Variants in MAN2A1 observed in about 807,000 individuals in gnomAD.
The protein encoded by MAN2A1 is mannosidase alpha class 2A member 1.
A neutral mutation model predicts 142.6 loss-of-function variants in MAN2A1; 76 were observed. That is an observed-to-expected ratio of 0.53 (90% CI 0.44 to 0.65). MAN2A1 has a LOEUF of 0.65. MAN2A1 is among the 30% of genes least tolerant of loss of function. The pLI is 0.00. For missense variants in MAN2A1, 1,311 were observed against 1,365.1 expected, an observed-to-expected ratio of 0.96 and a Z score of 0.62; for synonymous variants, 559 against 473.2, an observed-to-expected ratio of 1.18 and a Z score of -2.35.
At chr5:109,785,379 C>T (rs1425116666) in intron 10 of MAN2A1, among the ~76,000 whole-genome samples, 1 of 149,396 alleles carries the variant, frequency 6.7e-6, no homozygotes, top group Non-Finnish European at 1.5e-5. Flanking sequence ...GGCATATTGA[C>T]ATAATAAGCT....
chr5:109,699,518 A>T (rs1219810141), intron 1 of MAN2A1: 1 of 152,248 alleles, frequency 6.6e-6, no homozygotes, highest in Admixed American at 6.5e-5. Flanking sequence ...GCATATGTTA[A>T]TTAGCTTGAT....
At chr5:109,701,712 G>A (rs1279348551) in intron 1 of MAN2A1, among the ~76,000 whole-genome samples, 2 of 152,092 alleles carry the variant, frequency 1.3e-5, no homozygotes, top group African/African-American at 2.4e-5. Context: ...GGCTAGAATC[G>A]GGAGGATGAA....
At position 109,690,949 on chromosome 5, in the gene MAN2A1, G is replaced by C. The variant is rs572637893; in HGVS notation, c.135+397G>C. Among the ~76,000 whole-genome samples the C allele has an allele frequency of 1.9e-3, 290 of 152,266 alleles. 3 individuals carry two copies. The highest frequency in any genetic ancestry group is 0.016 in the Admixed American group (241 of 15,308). On this transcript the variant is annotated intron_variant, in intron 1 of 21. Transcript: ENST00000261483. ...CGGCTCTCACAGGGTTAAGCCGCCC[G>C]CACCAGCCCAGAGCCCCTGAGCGCA...
At chr5:109,692,831 G>A (rs1750710445) in intron 1 of MAN2A1, among the ~76,000 whole-genome samples, 1 of 152,082 alleles carries the variant, frequency 6.6e-6, no homozygotes, top group African/African-American at 2.4e-5. Context: ...GGGATGGTTT[G>A]GGGATGAAGC....
At chr5:109,709,104 C>T (rs1751222612) in intron 1 of MAN2A1, among the ~76,000 whole-genome samples, 1 of 152,186 alleles carries the variant, frequency 6.6e-6, no homozygotes, top group African/African-American at 2.4e-5. Context: ...TCTGGATATT[C>T]ATTAATCTAG....
At chr5:109,718,608 A>G (rs996460352) in intron 3 of MAN2A1, among the ~76,000 whole-genome samples, 1 of 152,194 alleles carries the variant, frequency 6.6e-6, no homozygotes, top group South Asian at 2.1e-4. Context: ...CTTGGCATAT[A>G]GAATAATTGC....
chr5:109,790,201 T>C (rs3797688), intron 12 of MAN2A1, among the ~76,000 whole-genome samples: 10,516 of 151,940 alleles, frequency 0.069, 398 homozygotes, highest in African/African-American at 0.1. Flanking sequence ...TTTTGTAATA[T>C]AACCTTTAAC....
chr5:109,755,565 ATTG>A, intron 5 of MAN2A1, 109 bp downstream of exon 5: 4 of 797,746 alleles, frequency 5.0e-6, no homozygotes, highest in Non-Finnish European at 5.9e-6. Flanking sequence ...GTTAGTCATT[ATTG>A]TTGAATAATT....
chr5:109,810,784 G>A (rs1439335921), intron 12 of MAN2A1, among the ~76,000 whole-genome samples: 2 of 152,146 alleles, frequency 1.3e-5, no homozygotes, highest in African/African-American at 4.8e-5. Flanking sequence ...TTGCCCTCAG[G>A]CAAATGATTA....
intron 4 of MAN2A1, among the ~76,000 whole-genome samples, chr5:109,734,452 A>G (rs1259630056): frequency 6.6e-6 from 1 of 151,658 alleles, no homozygotes; most frequent in Non-Finnish European, 1.5e-5. Flanking sequence ...AGTTCTTTTA[A>G]TTGTGATGTT....
At chr5:109,817,475 A>G (rs754600947) in intron 13 of MAN2A1, 37 bp downstream of exon 13, 1 of 1,596,856 alleles carries the variant, frequency 6.3e-7, no homozygotes, top group East Asian at 2.2e-5. Context: ...AGGCATTGTA[A>G]AACAAACCTA....
intron 12 of MAN2A1, among the ~76,000 whole-genome samples, chr5:109,791,414 A>G (rs1335168876): frequency 6.6e-6 from 1 of 152,090 alleles, no homozygotes; most frequent in Non-Finnish European, 1.5e-5. Flanking sequence ...TTTAAAATGG[A>G]AGAATTTGAT....
At chr5:109,705,498 C>G (rs553364914) in intron 1 of MAN2A1, among the ~76,000 whole-genome samples, 1 of 152,190 alleles carries the variant, frequency 6.6e-6, no homozygotes, top group East Asian at 1.9e-4. Flanking sequence ...GCTCACAGCT[C>G]CTTAGGGTCA....
At chr5:109,699,213 C>G (rs1290400950) in intron 1 of MAN2A1, among the ~76,000 whole-genome samples, 1 of 152,186 alleles carries the variant, frequency 6.6e-6, no homozygotes, top group Non-Finnish European at 1.5e-5. Context: ...CTCAATTTCT[C>G]TTCCTTCTCA....
Position 109,705,841 on chromosome 5 carries a change from A to G in MAN2A1, c.136-7679A>G, listed in dbSNP as rs552356076. On this transcript the variant is annotated intron_variant, in intron 1 of 21. Transcript: ENST00000261483. ...ATTCCTTGGCTCAAGGCTGCCTTCC[A>G]GCAATAGCATCATTCTGATTTCTTG... 1.4e-3 allele frequency among the ~76,000 whole-genome samples: 219 copies of G among 152,286 alleles called. 1 individual carries two copies. Among genetic ancestry groups the G allele is most frequent in the Middle Eastern group, 0.014 (4 of 294 alleles).
At chr5:109,754,506 A>G (rs1337407723) in intron 4 of MAN2A1, among the ~76,000 whole-genome samples, 1 of 152,178 alleles carries the variant, frequency 6.6e-6, no homozygotes, top group Non-Finnish European at 1.5e-5. Flanking sequence ...TGTGGTATTT[A>G]CTAGCTTTAC....
chr5:109,740,442 A>G (rs1752235012), intron 4 of MAN2A1, among the ~76,000 whole-genome samples: 1 of 152,154 alleles, frequency 6.6e-6, no homozygotes, highest in Admixed American at 6.5e-5. Flanking sequence ...GTGTGTCTGA[A>G]TGTGCTGCTT....
At chr5:109,695,085 C>T (rs144347669) in intron 1 of MAN2A1, among the ~76,000 whole-genome samples, 1 of 152,230 alleles carries the variant, frequency 6.6e-6, no homozygotes, top group Non-Finnish European at 1.5e-5. Context: ...TCTAACTCCT[C>T]TTCAGTCCAA....
At chr5:109,707,746 T>C (rs77020287) in intron 1 of MAN2A1, among the ~76,000 whole-genome samples, 1 of 152,090 alleles carries the variant, frequency 6.6e-6, no homozygotes, top group Non-Finnish European at 1.5e-5. Context: ...GGAGATAAGA[T>C]GAAGGTGAAG....
Sources: gnomAD v4.1 joint callset for allele counts (sites outside exome capture counted in the v4.1 genomes callset) on GRCh38, gnomAD v4.1.1 for gene constraint, MANE v1.5 for transcripts, NCBI Gene and HGNC (gene_info 2026-07-23, HGNC 2026-07-21) for gene names.